Variants in ARL9 observed in about 807,000 individuals in gnomAD.
ARL9 encodes ADP-ribosylation factor-like protein 9.
A neutral mutation model predicts 27.0 loss-of-function variants in ARL9; 14 were observed. That is an observed-to-expected ratio of 0.52 (90% CI 0.34 to 0.81). The LOEUF (loss-of-function observed/expected upper bound fraction) is 0.81. Ranked by LOEUF, ARL9 falls within the 30% of genes least tolerant of loss-of-function variation. The pLI, the probability that ARL9 is intolerant of heterozygous loss-of-function variation, is 0.01. For missense variants in ARL9, 294 were observed against 290.0 expected (o/e 1.01, Z -0.10); for synonymous variants, 106 against 108.7 (o/e 0.98, Z 0.15).
chr4:56,522,960 G>A (rs1721968563), intron 3 of ARL9, among the ~76,000 whole-genome samples: 3 of 152,200 alleles, frequency 2.0e-5, no homozygotes. Flanking sequence ...AAAACTCACA[G>A]TGGCAAGAAC....
intron 2 of ARL9, among the ~76,000 whole-genome samples, chr4:56,512,166 G>A (rs942572591): frequency 2.6e-5 from 4 of 152,082 alleles, no homozygotes; most frequent in African/African-American, 9.7e-5. Flanking sequence ...TATGCAAGTC[G>A]GAACCTCCAT....
intron 2 of ARL9, among the ~76,000 whole-genome samples, chr4:56,512,115 G>T (rs1264253256): frequency 6.6e-6 from 1 of 152,040 alleles, no homozygotes; most frequent in Non-Finnish European, 1.5e-5. Context: ...TATCTCCAAC[G>T]CATCTCTCAA....
intron 1 of ARL9, among the ~76,000 whole-genome samples, chr4:56,507,143 G>T (rs903900071): frequency 6.6e-6 from 1 of 151,934 alleles, no homozygotes; most frequent in African/African-American, 2.4e-5. Context: ...CTCATATTTG[G>T]CTAAAGGAAT....
At position 56,516,584 on chromosome 4, in the gene ARL9, C is replaced by CAA. The variant is rs10718013; in HGVS notation, c.443-2077_443-2076dup. 3.7e-3 allele frequency among the ~76,000 whole-genome samples: 443 copies of CAA among 120,728 alleles called. 3 individuals carry two copies. Among genetic ancestry groups the CAA allele is most frequent in the East Asian group, 7.9e-3 (36 of 4,558 alleles). The allele number at this position is 120,728 out of a possible 152,430, so 79.2% of individuals were successfully genotyped here. On this transcript the variant is annotated intron_variant, in intron 2 of 3. Coordinates refer to ENST00000640821, the MANE Select transcript of ARL9 (RefSeq NM_001363794.2). ...ATCAGTAAGTAGAATTCAAATTAGG[C>CAA]AAAAAAAAAAAAAAAAAAGAAAAAG...
chr4:56,514,368 G>A (rs1486015506), intron 2 of ARL9, among the ~76,000 whole-genome samples: 1 of 152,300 alleles, frequency 6.6e-6, no homozygotes, highest in Admixed American at 6.5e-5. Flanking sequence ...TGAAATTGAT[G>A]AAGACACAGT....
At chr4:56,521,971 C>T (rs1363185100) in intron 3 of ARL9, among the ~76,000 whole-genome samples, 9 of 151,700 alleles carry the variant, frequency 5.9e-5, no homozygotes, top group Admixed American at 5.3e-4. Context: ...CTCCCCTCCA[C>T]TCCTCTCTTT....
rs748987182 is a variant in ARL9 at position 56,511,331 on chromosome 4, G to A, written c.426G>A (p.Gln142=). Residue 142 remains glutamine, a synonymous_variant, in exon 2 of 4, where the codon CAG becomes CAA. Transcript: ENST00000640821. The part of the protein sequence containing the change: ...HAVCINTEDS[Q]MEFLEIGGSK... ...TTTGCATCAACACTGAAGACAGCCA[G>A]ATGGAGTTCCTGGAGAGTAAGCTCT... The A allele has an allele frequency of 6.2e-7, 1 of 1,613,182 alleles. No homozygotes were observed.
chr4:56,517,595 A>G (rs1721799880), intron 2 of ARL9, among the ~76,000 whole-genome samples: 2 of 152,178 alleles, frequency 1.3e-5, no homozygotes, highest in Non-Finnish European at 1.5e-5. Context: ...AAATTTAGAC[A>G]TGTAAAAGCT....
At chr4:56,516,613 AAG>A (rs1379612259) in intron 2 of ARL9, among the ~76,000 whole-genome samples, 1 of 151,840 alleles carries the variant, frequency 6.6e-6, no homozygotes, top group Non-Finnish European at 1.5e-5. Flanking sequence ...GAAAAAGAAA[AAG>A]AAATCTGATA....
At chr4:56,522,101 G>A (rs1197674318) in intron 3 of ARL9, among the ~76,000 whole-genome samples, 8 of 150,760 alleles carry the variant, frequency 5.3e-5, no homozygotes, top group Non-Finnish European at 1.0e-4. Flanking sequence ...ATCAGGAAAA[G>A]CCCCACAGGC....
rs559601871 is a variant in ARL9 at position 56,506,229 on chromosome 4, C to T, written c.279+88C>T. 13 of 1,199,298 alleles carry T rather than the reference C, an allele frequency of 1.1e-5. 1 individual carries two copies. In the South Asian group the frequency reaches 3.8e-4, roughly 35 times the overall value. 74.3% of individuals were successfully genotyped at this position (1,199,298 alleles called of 1,614,324 possible). On this transcript the variant is annotated intron_variant, in intron 1 of 3. Transcript: ENST00000640821. ...CGCTGTCTCTGTTACGTCGGAGGCC[C>T]CCGACCGCGTGGGAGCGAATGGATC...
chr4:56,505,981 A>G lies in ARL9; in HGVS notation c.119A>G (p.Gln40Arg). Reference sequence around the variant, plus strand: ...AAGGAGGTGGAGCAGAAAATTAAACAAAAGCAAGAGAAGCAGGAGAGGAGA... The same window carrying G: ...AAGGAGGTGGAGCAGAAAATTAAACGAAAGCAAGAGAAGCAGGAGAGGAGA... Reference protein sequence around the residue: ...KRKEVEQKIKQKQEKQERRKG... With the variant: ...KRKEVEQKIKRKQEKQERRKG... The change falls in exon 1 of 4, where the codon CAA (glutamine) becomes CGA (arginine). Residue 40 changes from glutamine (Q) to arginine (R), a missense_variant. Gln to Arg is a conservative substitution (Grantham distance 43, BLOSUM62 1). Coordinates refer to ENST00000640821, the MANE Select transcript of ARL9 (RefSeq NM_001363794.2). 8.7e-7 allele frequency: 1 copy of G among 1,154,702 alleles called. No individual in the cohort carries two copies. The highest frequency in any genetic ancestry group is 1.1e-6 in the Non-Finnish European group (1 of 943,068). The allele number at this position is 1,154,702 out of a possible 1,614,324, so 71.5% of individuals were successfully genotyped here.
intron 2 of ARL9, among the ~76,000 whole-genome samples, chr4:56,512,035 G>A (rs1721650980): frequency 6.6e-6 from 1 of 152,062 alleles, no homozygotes; most frequent in African/African-American, 2.4e-5. Context: ...CCAGAAACCT[G>A]GGAGTCACCC....
intron 2 of ARL9, among the ~76,000 whole-genome samples, chr4:56,518,316 C>T (rs1330359127): frequency 1.3e-5 from 2 of 152,140 alleles, no homozygotes; most frequent in Admixed American, 6.6e-5. Context: ...GGATTACAGG[C>T]GTGAGCAACT....
chr4:56,515,447 C>T (rs1292403505), intron 2 of ARL9, among the ~76,000 whole-genome samples: 2 of 151,992 alleles, frequency 1.3e-5, no homozygotes, highest in African/African-American at 4.8e-5. Flanking sequence ...GAAAACTTTA[C>T]TCCTAAACAG....
chr4:56,511,292 A>G lies in ARL9; in HGVS notation c.387A>G (p.Gln129=), dbSNP rs1721630177. 2 of 1,613,840 alleles carry G rather than the reference A, an allele frequency of 1.2e-6. No homozygotes were observed. The highest frequency in any genetic ancestry group is 8.5e-7 in the Non-Finnish European group (1 of 1,179,852). Residue 129 remains glutamine, a synonymous_variant, in exon 2 of 4, where the codon CAA becomes CAG. Transcript: ENST00000640821. The stretch of plus-strand genomic sequence containing the variant: ...TCCAGCACAGTGTGGCACCCACCCA[A>G]GGTTTCCATGCAGTTTGCATCAACA... ...NRVQHSVAPT[Q]GFHAVCINTE...
At chr4:56,505,745 T>C, upstream of ARL9, 1 of 1,394,530 alleles carries the variant, frequency 7.2e-7, no homozygotes, top group Non-Finnish European at 9.3e-7. Context: ...GCGGGTTGTC[T>C]ACGCCGCGGG....
In ARL9 at chr4:56,522,748, T is replaced by G. The variant is rs547165427; in HGVS notation, c.619-949T>G. 7.6e-4 allele frequency among the ~76,000 whole-genome samples: 116 copies of G among 152,288 alleles called. 1 individual carries two copies. Among genetic ancestry groups the G allele is most frequent in the Non-Finnish European group, 1.4e-3 (96 of 68,030 alleles). On this transcript the variant is annotated intron_variant, in intron 3 of 3. Transcript: ENST00000640821. ...CTGGCATGCGGCCTAAGCACAGGCT[T>G]CCTGTCTTCCCCCTCTGCCTCTTCC...
chr4:56,515,258 CA>C (rs199790664), intron 2 of ARL9, among the ~76,000 whole-genome samples: 12,003 of 92,294 alleles, frequency 0.13, 534 homozygotes, highest in East Asian at 0.33. Flanking sequence ...AACTCCATCT[CA>C]AAAAAAAAAA....
Sources: allele counts gnomAD v4.1 joint callset (sites outside exome capture counted in the v4.1 genomes callset), GRCh38; gene constraint gnomAD v4.1.1; transcripts MANE v1.5; gene names NCBI Gene and HGNC (gene_info 2026-07-23, HGNC 2026-07-21).